The following FARS2 variants were observed in gnomAD, a reference collection of about 807,000 sequenced individuals.
FARS2 encodes phenylalanyl-tRNA synthetase 2, mitochondrial, also known as phenylalanine--tRNA ligase, mitochondrial.
Under a neutral mutation model 46.4 loss-of-function variants are expected in FARS2, and 40 were observed. That is an observed-to-expected ratio of 0.86 (90% confidence interval 0.67 to 1.12). The LOEUF is 1.12. Among genes scored for constraint, FARS2 ranks in the 50% most tolerant of loss-of-function variants. FARS2 has a pLI of 0.00. For synonymous variants in FARS2, 234 were observed against 214.9 expected, an observed-to-expected ratio of 1.09 and a Z score of -0.78; for missense variants, 513 against 567.9, an observed-to-expected ratio of 0.90 and a Z score of 0.98.
At chr6:5,534,871 A>T (rs1161293875) in intron 4 of FARS2, among the ~76,000 whole-genome samples, 1 of 152,068 alleles carries the variant, frequency 6.6e-6, no homozygotes, top group African/African-American at 2.4e-5. Context: ...ACACACACAC[A>T]CACAGAGACT....
intron 6 of FARS2, among the ~76,000 whole-genome samples, chr6:5,632,207 A>T (rs1776323994): frequency 6.6e-6 from 1 of 152,132 alleles, no homozygotes; most frequent in Non-Finnish European, 1.5e-5. Context: ...TTCATAGCAG[A>T]TTATAGGAGG....
chr6:5,414,039 C>A (rs1197814882), intron 3 of FARS2, among the ~76,000 whole-genome samples: 1 of 152,198 alleles, frequency 6.6e-6, no homozygotes, highest in African/African-American at 2.4e-5. Context: ...AAACAAACAA[C>A]TACCATTATT....
intron 4 of FARS2, among the ~76,000 whole-genome samples, chr6:5,528,802 G>A (rs1476220353): frequency 6.6e-6 from 1 of 152,202 alleles, no homozygotes; most frequent in Non-Finnish European, 1.5e-5. Flanking sequence ...TGTAAGTCAT[G>A]CACACTGGAA....
intron 5 of FARS2, among the ~76,000 whole-genome samples, chr6:5,604,487 C>T (rs1414798030): frequency 2.6e-5 from 4 of 152,046 alleles, no homozygotes; most frequent in Admixed American, 2.0e-4. Context: ...CAGGAATGGG[C>T]AGGGGAGGAG....
At chr6:5,695,501 G>A (rs762834822) in intron 6 of FARS2, among the ~76,000 whole-genome samples, 2 of 152,238 alleles carry the variant, frequency 1.3e-5, no homozygotes, top group African/African-American at 2.4e-5. Context: ...CCTGTGTGCC[G>A]TGCACTCAGT....
chr6:5,565,960 C>T (rs184151776), intron 5 of FARS2, among the ~76,000 whole-genome samples: 4 of 152,282 alleles, frequency 2.6e-5, no homozygotes, highest in African/African-American at 9.6e-5. Flanking sequence ...TACATGAAAC[C>T]GTGTGGATTA....
intron 1 of FARS2, among the ~76,000 whole-genome samples, chr6:5,296,858 T>C (rs1767931625): frequency 6.6e-6 from 1 of 152,254 alleles, no homozygotes; most frequent in African/African-American, 2.4e-5. Context: ...ACCTTTCGGC[T>C]ATTATGAATA....
rs140740870 is a variant in FARS2 at position 5,633,564 on chromosome 6, G to A, written c.1217+20244G>A. Among the ~76,000 whole-genome samples, 695 of 152,128 alleles carry A rather than the reference G, an allele frequency of 4.6e-3. 2 individuals carry two copies. Among genetic ancestry groups the A allele is most frequent in the African/African-American group, 0.013 (547 of 41,530 alleles). The stretch of plus-strand genomic sequence containing the variant: ...ATTACAGGCGTGAGCCACCACGCCC[G>A]GCACCTGGCTTACCAGAGATAAGTT... On this transcript the variant is annotated intron_variant, in intron 6 of 6. Coordinates refer to ENST00000274680, the MANE Select transcript of FARS2 (RefSeq NM_006567.5).
At chr6:5,523,101 C>A (rs949848748) in intron 4 of FARS2, among the ~76,000 whole-genome samples, 2 of 152,194 alleles carry the variant, frequency 1.3e-5, no homozygotes, top group Non-Finnish European at 2.9e-5. Context: ...TTTTTTACAT[C>A]CCACTGCCTT....
At chr6:5,599,589 G>A (rs1043378779) in intron 5 of FARS2, among the ~76,000 whole-genome samples, 4 of 152,176 alleles carry the variant, frequency 2.6e-5, no homozygotes, top group Admixed American at 1.3e-4. Flanking sequence ...TCATGAAAAC[G>A]TTTGCAAGAT....
At chr6:5,589,192 C>A (rs184016219) in intron 5 of FARS2, among the ~76,000 whole-genome samples, 28 of 152,250 alleles carry the variant, frequency 1.8e-4, no homozygotes, top group Non-Finnish European at 3.5e-4. Flanking sequence ...CAGCTCCCCC[C>A]GTCCTAGGTC....
chr6:5,259,887 G>A (rs1002436621), upstream of FARS2, among the ~76,000 whole-genome samples: 2 of 152,204 alleles, frequency 1.3e-5, no homozygotes, highest in East Asian at 3.8e-4. Flanking sequence ...GCAACACTGT[G>A]AAAGCAGAGG....
Position 5,345,543 on chromosome 6 carries a change from G to A in FARS2, c.-21-23007G>A, listed in dbSNP as rs570904790. On this transcript the variant is annotated intron_variant, in intron 1 of 6. Coordinates refer to ENST00000274680, the MANE Select transcript of FARS2 (RefSeq NM_006567.5). ...GCACTTTACCCACAGCTTCTCAGGCGCATGTGTAAAACGAAGTCCACGTGC... is the reference window on the plus strand; with the variant it reads ...GCACTTTACCCACAGCTTCTCAGGCACATGTGTAAAACGAAGTCCACGTGC... Among the ~76,000 whole-genome samples the A allele has an allele frequency of 3.9e-5, 6 of 152,308 alleles. No individual in the cohort carries two copies. In the South Asian group the frequency reaches 1.2e-3, roughly 32 times the overall value.
chr6:5,275,201 T>G (rs182496159), intron 1 of FARS2, among the ~76,000 whole-genome samples: 8 of 152,298 alleles, frequency 5.3e-5, no homozygotes, highest in Admixed American at 4.6e-4. Context: ...AGGCCAAGCT[T>G]TTTTGCACTG....
At chr6:5,646,581 G>A (rs577471263) in intron 6 of FARS2, among the ~76,000 whole-genome samples, 40 of 152,264 alleles carry the variant, frequency 2.6e-4, no homozygotes, top group South Asian at 2.1e-3. Flanking sequence ...ACTACAGTTG[G>A]ACTTTGGTAT....
intron 1 of FARS2, among the ~76,000 whole-genome samples, chr6:5,309,598 T>C (rs1014575836): frequency 1.3e-5 from 2 of 152,154 alleles, no homozygotes; most frequent in Admixed American, 1.3e-4. Context: ...AAATAGGATC[T>C]TATGACAGCC....
intron 6 of FARS2, among the ~76,000 whole-genome samples, chr6:5,655,888 A>G (rs1027249820): frequency 3.3e-5 from 5 of 152,304 alleles, no homozygotes; most frequent in African/African-American, 1.2e-4. Context: ...GTATTTATGG[A>G]CCAGGTTTTC....
chr6:5,530,855 T>C (rs1211909852), intron 4 of FARS2, among the ~76,000 whole-genome samples: 1 of 147,680 alleles, frequency 6.8e-6, no homozygotes, highest in Non-Finnish European at 1.5e-5. Flanking sequence ...TCAATAGATA[T>C]ATATTTATAC....
intron 4 of FARS2, among the ~76,000 whole-genome samples, chr6:5,470,719 T>C (rs1168237132): frequency 6.6e-6 from 1 of 152,200 alleles, no homozygotes; most frequent in Non-Finnish European, 1.5e-5. Flanking sequence ...CTAAGTCCTG[T>C]GTTTATTAAA....
Sources: allele counts gnomAD v4.1 joint callset (sites outside exome capture counted in the v4.1 genomes callset), GRCh38; gene constraint gnomAD v4.1.1; transcripts MANE v1.5; gene names NCBI Gene and HGNC (gene_info 2026-07-23, HGNC 2026-07-21).